Variants in NT5C2 observed in about 807,000 individuals in gnomAD.
NT5C2 encodes 5'-nucleotidase, cytosolic II.
Under a neutral mutation model 76.1 loss-of-function variants are expected in NT5C2, and 58 were observed. That is an observed-to-expected ratio of 0.76 (90% CI 0.62 to 0.95). NT5C2 has a LOEUF of 0.95. NT5C2 is among the 40% of genes least tolerant of loss of function. NT5C2 has a pLI of 0.00. For synonymous variants in NT5C2, 229 were observed against 237.4 expected, an observed-to-expected ratio of 0.96 and a Z score of 0.32; for missense variants, 478 against 690.3, an observed-to-expected ratio of 0.69 and a Z score of 3.45.
At chr10:103,151,318 G>C (rs2082354675) in intron 3 of NT5C2, among the ~76,000 whole-genome samples, 1 of 152,030 alleles carries the variant, frequency 6.6e-6, no homozygotes, top group South Asian at 2.1e-4. Context: ...TATAAAATTA[G>C]CCGGGCATGG....
chr10:103,090,665 G>A lies in NT5C2; in HGVS notation c.1395C>T (p.Phe465=). The change falls in exon 18 of 19, where the codon TTC becomes TTT. Residue 465 remains phenylalanine (F), a synonymous_variant. Transcript: ENST00000404739. ...TGAAAGGGTAATACAGCAGGTTGAT[G>A]AAAGATGCTGCATAGAGGTCAGCAT... The part of the protein sequence containing the change: ...MRYADLYAAS[F]INLLYYPFSY... 6.2e-7 allele frequency: 1 copy of A among 1,614,158 alleles called. No homozygotes were observed. Among genetic ancestry groups the A allele is most frequent in the Non-Finnish European group, 8.5e-7 (1 of 1,180,024 alleles).
chr10:103,125,235 C>T, intron 4 of NT5C2: 1 of 768,886 alleles, frequency 1.3e-6, no homozygotes, highest in Non-Finnish European at 2.2e-6. Context: ...ACAATTTTCC[C>T]AGCTCTGTGA....
intron 3 of NT5C2, among the ~76,000 whole-genome samples, chr10:103,154,681 GGGGAAC>G (rs2083016831): frequency 6.6e-6 from 1 of 152,130 alleles, no homozygotes; most frequent in South Asian, 2.1e-4. Flanking sequence ...ACTGAGGGTA[GGGGAAC>G]AGGAAAAGCA....
At chr10:103,141,016 G>C (rs1281354745) in intron 3 of NT5C2, among the ~76,000 whole-genome samples, 4 of 152,136 alleles carry the variant, frequency 2.6e-5, no homozygotes, top group African/African-American at 7.2e-5. Flanking sequence ...TTTTTAGTTT[G>C]AGGTAGTCCC....
At chr10:103,179,282 C>T (rs1011566579) in intron 2 of NT5C2, among the ~76,000 whole-genome samples, 6 of 152,158 alleles carry the variant, frequency 3.9e-5, no homozygotes, top group African/African-American at 1.4e-4. Context: ...TTTCACTTTA[C>T]TTTATGGACT....
At chr10:103,100,326 A>G (rs1316969482) in intron 8 of NT5C2, among the ~76,000 whole-genome samples, 1 of 152,254 alleles carries the variant, frequency 6.6e-6, no homozygotes, top group Non-Finnish European at 1.5e-5. Context: ...CAGGTTGAAG[A>G]AACATTTAAA....
intron 6 of NT5C2, among the ~76,000 whole-genome samples, chr10:103,101,909 C>G (rs988302359): frequency 1.3e-5 from 2 of 151,970 alleles, no homozygotes; most frequent in African/African-American, 4.8e-5. Context: ...GAAACTAGTC[C>G]AACTTGGGTA....
chr10:103,170,930 T>C (rs555440092), intron 3 of NT5C2, among the ~76,000 whole-genome samples: 27 of 152,200 alleles, frequency 1.8e-4, no homozygotes, highest in Non-Finnish European at 4.0e-4. Flanking sequence ...TAATACTTTA[T>C]AGTGTAAAGA....
chr10:103,162,778 TC>T (rs1389513102), intron 3 of NT5C2, among the ~76,000 whole-genome samples: 2 of 152,208 alleles, frequency 1.3e-5, no homozygotes, highest in Non-Finnish European at 2.9e-5. Context: ...CTTATTTTTT[TC>T]AACTAAAAAT....
intron 3 of NT5C2, among the ~76,000 whole-genome samples, chr10:103,142,306 G>A (rs758795301): frequency 6.6e-6 from 1 of 152,148 alleles, no homozygotes; most frequent in Non-Finnish European, 1.5e-5. Flanking sequence ...TCACTATGAA[G>A]ACATAGGAAA....
rs747566685 is a variant in NT5C2 at position 103,106,657 on chromosome 10, C to G, written c.225G>C (p.Glu75Asp). The G allele has an allele frequency of 6.2e-7, 1 of 1,613,872 alleles. No homozygotes were observed. The highest frequency in any genetic ancestry group is 8.5e-7 in the Non-Finnish European group (1 of 1,179,808). The change falls in exon 5 of 19, where the codon GAG becomes GAC. Residue 75 changes from glutamate to aspartate, a missense_variant. Transcript: ENST00000404739. Reference sequence around the variant, plus strand: ...GGGGATAGCCAATAGAAACTAATCTCTCCACAGTAAGCTCAAAACCAAGGG... The same window carrying G: ...GGGGATAGCCAATAGAAACTAATCTGTCCACAGTAAGCTCAAAACCAAGGG... ...YESLGFELTV[E>D]RLVSIGYPQE...
intron 1 of NT5C2, among the ~76,000 whole-genome samples, chr10:103,187,871 T>C (rs929929577): frequency 1.3e-5 from 2 of 152,148 alleles, no homozygotes; most frequent in South Asian, 4.1e-4. Flanking sequence ...GACAAAATAA[T>C]GTAGAAGAGC....
chr10:103,090,320 C>G, intron 18 of NT5C2: 1 of 373,580 alleles, frequency 2.7e-6, no homozygotes, highest in Non-Finnish European at 4.8e-6. Context: ...TGGGCTCAAT[C>G]AATCCTCCCA....
chr10:103,151,274 G>A (rs2082348704), intron 3 of NT5C2, among the ~76,000 whole-genome samples: 1 of 152,036 alleles, frequency 6.6e-6, no homozygotes, highest in Non-Finnish European at 1.5e-5. Context: ...AGACCAGCCT[G>A]ACCAACATGG....
chr10:103,118,361 C>CTTTT (rs35763505), intron 4 of NT5C2, among the ~76,000 whole-genome samples: 4 of 137,790 alleles, frequency 2.9e-5, no homozygotes, highest in East Asian at 4.1e-4. Context: ...ATTTCTTTTC[C>CTTTT]TTTTTTTTTT....
intron 8 of NT5C2, chr10:103,100,675 G>A (rs2069366567): frequency 4.2e-6 from 2 of 481,638 alleles, no homozygotes; most frequent in Admixed American, 2.3e-5. Flanking sequence ...TCCCTGAATG[G>A]CTCCTGGGTA....
At chr10:103,129,773 C>A (rs2077664235) in intron 4 of NT5C2, among the ~76,000 whole-genome samples, 2 of 110,488 alleles carry the variant, frequency 1.8e-5, no homozygotes, top group South Asian at 3.3e-4. Flanking sequence ...GCCCCCCGCC[C>A]GGCCAGCCGC....
At chr10:103,158,942 AAAG>A (rs764480615) in intron 3 of NT5C2, among the ~76,000 whole-genome samples, 1 of 152,190 alleles carries the variant, frequency 6.6e-6, no homozygotes, top group Non-Finnish European at 1.5e-5. Context: ...AAAACAGACA[AAAG>A]TAGTACAAGA....
At position 103,099,790 on chromosome 10, in the gene NT5C2, G is replaced by A. The variant is rs2069093144; in HGVS notation, c.633+136C>T. On this transcript the variant is annotated intron_variant, in intron 9 of 18. Transcript: ENST00000404739. ...AGACAAGAACAAATGTATTCTAGAGGGCTATCACTAGGCGGGGGCAAATCT... is the reference window on the plus strand; with the variant it reads ...AGACAAGAACAAATGTATTCTAGAGAGCTATCACTAGGCGGGGGCAAATCT... The A allele has an allele frequency of 2.5e-5, 14 of 552,964 alleles. 1 individual carries two copies. The South Asian group carries it at 3.1e-4, about 12-fold the overall frequency. 34.3% of individuals were successfully genotyped at this position (552,964 alleles called of 1,614,324 possible).
Sources: allele counts gnomAD v4.1 joint callset (sites outside exome capture counted in the v4.1 genomes callset), GRCh38; gene constraint gnomAD v4.1.1; transcripts MANE v1.5; gene names NCBI Gene and HGNC (gene_info 2026-07-23, HGNC 2026-07-21).